Variants in KATNAL1 observed in about 807,000 individuals in gnomAD.
The protein encoded by KATNAL1 is katanin p60 ATPase-containing subunit A-like 1.
KATNAL1 carries 32 observed loss-of-function variants against 55.2 expected under a neutral mutation model. The ratio of observed to expected loss-of-function variants is 0.58; its 90% CI spans 0.44 to 0.78. KATNAL1 has a LOEUF of 0.78. KATNAL1 is among the 30% of genes least tolerant of loss of function. KATNAL1 has a pLI of 0.00. For missense variants in KATNAL1, 466 were observed against 600.9 expected (o/e 0.78, Z 2.35); for synonymous variants, 193 against 193.6 (o/e 1.00, Z 0.02).
At chr13:30,294,535 G>A (rs1389395504) in intron 1 of KATNAL1, among the ~76,000 whole-genome samples, 3 of 152,330 alleles carry the variant, frequency 2.0e-5, no homozygotes, top group South Asian at 2.1e-4. Flanking sequence ...GGTTTATGAG[G>A]TTTAAGGAAA....
At chr13:30,263,177 T>C (rs1879450905) in intron 3 of KATNAL1, among the ~76,000 whole-genome samples, 1 of 152,180 alleles carries the variant, frequency 6.6e-6, no homozygotes, top group Non-Finnish European at 1.5e-5. Flanking sequence ...CAACGCTTCA[T>C]GCTAAAAACT....
At chr13:30,268,792 T>C (rs1879980137) in intron 3 of KATNAL1, among the ~76,000 whole-genome samples, 1 of 152,194 alleles carries the variant, frequency 6.6e-6, no homozygotes, top group South Asian at 2.1e-4. Flanking sequence ...ATGCAAGAAA[T>C]GGTAAACAAA....
chr13:30,271,878 G>GAAAAAAA (rs71299873), intron 3 of KATNAL1, among the ~76,000 whole-genome samples: 11 of 76,788 alleles, frequency 1.4e-4, no homozygotes, highest in East Asian at 4.0e-4. Flanking sequence ...AAGAAAAGAG[G>GAAAAAAA]AAAAAAAAAA....
chr13:30,223,125 G>T (rs1455451418), intron 9 of KATNAL1, among the ~76,000 whole-genome samples: 2 of 151,240 alleles, frequency 1.3e-5, no homozygotes, highest in Non-Finnish European at 2.9e-5. Context: ...GATACAGACT[G>T]GACAAATAGC....
intron 3 of KATNAL1, among the ~76,000 whole-genome samples, chr13:30,277,467 C>G (rs919613500): frequency 6.6e-6 from 1 of 152,176 alleles, no homozygotes; most frequent in African/African-American, 2.4e-5. Flanking sequence ...AACGTCTTTC[C>G]ATTAAACCAA....
chr13:30,233,440 A>ACAGCC (rs1876312876), intron 6 of KATNAL1, among the ~76,000 whole-genome samples: 3 of 152,132 alleles, frequency 2.0e-5, no homozygotes, highest in Non-Finnish European at 4.4e-5. Flanking sequence ...GCTTTCATCA[A>ACAGCC]AAAGATAGCT....
rs1344223498 is a variant in KATNAL1 at position 30,206,302 on chromosome 13, T to C, written c.*2238A>G. On this transcript the variant is annotated 3_prime_UTR_variant, in exon 11 of 11. Coordinates refer to ENST00000380615, the MANE Select transcript of KATNAL1 (RefSeq NM_032116.5). ...TCTCAAAATAAATAAATAAATAAAA[T>C]AAAATAAAATAAAAGTTAAATAGAA... 1 of 151,264 alleles carries C rather than the reference T, an allele frequency of 6.6e-6. No homozygotes were observed. The highest frequency in any genetic ancestry group is 1.5e-5 in the Non-Finnish European group (1 of 67,822). The allele number at this position is 151,264 out of a possible 1,614,324, so 9.4% of individuals were successfully genotyped here.
intron 6 of KATNAL1, among the ~76,000 whole-genome samples, chr13:30,235,573 T>C (rs1340960337): frequency 3.3e-5 from 5 of 152,152 alleles, no homozygotes; most frequent in Non-Finnish European, 7.4e-5. Context: ...ACTATAACAG[T>C]ACTATCACAT....
rs71747871 is a variant in KATNAL1 at position 30,208,193 on chromosome 13, G to GA, written c.*346dup. The GA allele has an allele frequency of 0.086, 14,408 of 168,098 alleles. 630 individuals are homozygous for GA. Among genetic ancestry groups the GA allele is most frequent in the Admixed American group, 0.097 (1,518 of 15,728 alleles). 10.4% of individuals were successfully genotyped at this position (168,098 alleles called of 1,614,324 possible). A position where few individuals can be genotyped will look rare whatever the true frequency, so the allele number is the denominator to read the frequency against. On this transcript the variant is annotated 3_prime_UTR_variant, in exon 11 of 11. Transcript: ENST00000380615. ...CTCATGTTGACAGAGCACAGAATTG[G>GA]AAAAAAAAACTGCAAATGAGAAATA... is the stretch of plus-strand genomic sequence containing the variant.
chr13:30,241,156 A>T, intron 4 of KATNAL1, 70 bp from the exon 5 acceptor site: 1 of 1,305,002 alleles, frequency 7.7e-7, no homozygotes, highest in Admixed American at 2.1e-5. Flanking sequence ...TACGCTTTGA[A>T]AACATTATAA....
In KATNAL1 at chr13:30,294,224, T is replaced by C. The variant is rs181992272; in HGVS notation, c.-14-10433A>G. On this transcript the variant is annotated intron_variant, in intron 1 of 10. Transcript: ENST00000380615. Reference sequence around the variant, plus strand: ...GACTAAGCTTAGCAAGCAAGGCATGTTGAAAGCTAAGATAGGGCAAGAGGT... The same window carrying C: ...GACTAAGCTTAGCAAGCAAGGCATGCTGAAAGCTAAGATAGGGCAAGAGGT... 2.0e-3 allele frequency among the ~76,000 whole-genome samples: 302 copies of C among 152,322 alleles called. 2 individuals carry two copies. Among genetic ancestry groups the C allele is most frequent in the Non-Finnish European group, 1.4e-3 (93 of 68,022 alleles).
At position 30,202,810 on chromosome 13, in the gene KATNAL1, A is replaced by G. The variant is rs1198449619; in HGVS notation, c.*5730T>C. On this transcript the variant is annotated 3_prime_UTR_variant, in exon 11 of 11. Coordinates refer to ENST00000380615, the MANE Select transcript of KATNAL1 (RefSeq NM_032116.5). ...ATACTGGGAGACAAACACTGAAACA[A>G]AAGTCTTAACAACGCACTTACAAGC... 1.3e-5 allele frequency: 2 copies of G among 152,224 alleles called. No homozygotes were observed. The highest frequency in any genetic ancestry group is 4.8e-5 in the African/African-American group (2 of 41,446). The allele number at this position is 152,224 out of a possible 1,614,324, so 9.4% of individuals were successfully genotyped here.
chr13:30,306,989 C>G (rs1883225353), intron 1 of KATNAL1: 1 of 149,214 alleles, frequency 6.7e-6, no homozygotes, highest in South Asian at 2.2e-4. Flanking sequence ...GACCACTCAA[C>G]AGCCCCCTCA....
chr13:30,210,936 T>C (rs147347132), intron 9 of KATNAL1, among the ~76,000 whole-genome samples: 6 of 152,300 alleles, frequency 3.9e-5, no homozygotes, highest in African/African-American at 1.4e-4. Context: ...AATCAGTAAT[T>C]GGCACAAAAA....
intron 10 of KATNAL1, 43 bp from the exon 11 acceptor site, chr13:30,208,781 G>GT: frequency 7.7e-7 from 1 of 1,291,508 alleles, no homozygotes; most frequent in Admixed American, 2.1e-5. Context: ...TTTTGCACAT[G>GT]TTTTAAACAC....
chr13:30,282,248 C>A (rs1881411954), intron 2 of KATNAL1, among the ~76,000 whole-genome samples: 1 of 152,098 alleles, frequency 6.6e-6, no homozygotes, highest in Admixed American at 6.6e-5. Flanking sequence ...TATTAGATTA[C>A]TGACTCATTT....
chr13:30,257,386 T>A (rs1878883381), intron 3 of KATNAL1, among the ~76,000 whole-genome samples: 1 of 152,202 alleles, frequency 6.6e-6, no homozygotes, highest in African/African-American at 2.4e-5. Context: ...ATTTAAATAG[T>A]CTGTTTTCTT....
intron 3 of KATNAL1, among the ~76,000 whole-genome samples, chr13:30,269,174 C>A (rs1880028383): frequency 6.6e-6 from 1 of 152,246 alleles, no homozygotes; most frequent in Non-Finnish European, 1.5e-5. Context: ...CCCACTGCAA[C>A]CTCCCTGCCT....
intron 3 of KATNAL1, among the ~76,000 whole-genome samples, chr13:30,279,070 T>C (rs566561999): frequency 6.6e-6 from 1 of 152,344 alleles, no homozygotes; most frequent in South Asian, 2.1e-4. Flanking sequence ...TTACAGTTAC[T>C]GGCCAAAGGA....
Sources: allele counts gnomAD v4.1 joint callset (sites outside exome capture counted in the v4.1 genomes callset), GRCh38; gene constraint gnomAD v4.1.1; transcripts MANE v1.5; gene names NCBI Gene and HGNC (gene_info 2026-07-23, HGNC 2026-07-21).